Variants in ZNF644 observed in about 807,000 individuals in gnomAD.
ZNF644 encodes zinc finger motif enhancer binding protein 2.
A neutral mutation model predicts 108.0 loss-of-function variants in ZNF644; 20 were observed. The observed-to-expected ratio is 0.19, with a 90% CI of 0.13 to 0.27. The LOEUF (loss-of-function observed/expected upper bound fraction) is 0.27. Among genes scored for constraint, ZNF644 ranks in the 10% least tolerant of loss-of-function variants. The pLI, the probability that ZNF644 is intolerant of heterozygous loss-of-function variation, is 1.00. For synonymous variants in ZNF644, 542 were observed against 539.1 expected, an observed-to-expected ratio of 1.01 and a Z score of -0.08; for missense variants, 1,338 against 1,548.9, an observed-to-expected ratio of 0.86 and a Z score of 2.29.
intron 2 of ZNF644, among the ~76,000 whole-genome samples, chr1:90,970,068 C>T (rs1655305013): frequency 6.6e-6 from 1 of 152,182 alleles, no homozygotes; most frequent in Admixed American, 6.5e-5. Context: ...AGCAGAATAC[C>T]AGTTTAGACA....
chr1:90,969,514 T>C (rs1034730705), intron 2 of ZNF644, among the ~76,000 whole-genome samples: 5 of 152,186 alleles, frequency 3.3e-5, no homozygotes, highest in African/African-American at 1.2e-4. Flanking sequence ...AATTCAAACC[T>C]TTTAAATTGC....
Position 90,916,605 on chromosome 1 carries a change from T to A in ZNF644, c.*193A>T, listed in dbSNP as rs1648785619. The A allele has an allele frequency of 1.6e-6, 1 of 625,840 alleles. No individual in the cohort carries two copies. The highest frequency in any genetic ancestry group is 2.0e-5 in the South Asian group (1 of 50,146). The allele number at this position is 625,840 out of a possible 1,614,324, so 38.8% of individuals were successfully genotyped here. The stretch of plus-strand genomic sequence containing the variant: ...AAACTTCATAAACCTTAAAAACACA[T>A]CTTCCACCCTATATAAAATATATAG... On this transcript the variant is annotated 3_prime_UTR_variant, in exon 6 of 6. Transcript: ENST00000337393.
chr1:90,944,515 TATTA>T (rs1652326801), intron 2 of ZNF644, among the ~76,000 whole-genome samples: 1 of 150,822 alleles, frequency 6.6e-6, no homozygotes, highest in African/African-American at 2.5e-5. Context: ...ACCCCTAAAT[TATTA>T]ATTATCTCTA....
At chr1:91,015,736 A>G (rs911749708) in intron 1 of ZNF644, among the ~76,000 whole-genome samples, 13 of 152,212 alleles carry the variant, frequency 8.5e-5, no homozygotes, top group Admixed American at 2.6e-4. Flanking sequence ...CACTTCCTCT[A>G]TAACAACCTT....
At chr1:90,927,184 T>C (rs1298222128) in intron 4 of ZNF644, among the ~76,000 whole-genome samples, 1 of 152,066 alleles carries the variant, frequency 6.6e-6, no homozygotes, top group East Asian at 1.9e-4. Context: ...TCTTCCTCTT[T>C]CTCTGAAATT....
chr1:90,944,317 G>T (rs17131244), intron 2 of ZNF644, among the ~76,000 whole-genome samples: 1,929 of 152,076 alleles, frequency 0.013, 39 homozygotes, highest in African/African-American at 0.044. Flanking sequence ...TTTTCATAAG[G>T]TCACATTCTG....
chr1:90,968,119 T>C (rs1220225434), intron 2 of ZNF644, among the ~76,000 whole-genome samples: 1 of 149,582 alleles, frequency 6.7e-6, no homozygotes, highest in African/African-American at 2.5e-5. Context: ...ATGCAATCAA[T>C]TTAAAAGTGC....
intron 4 of ZNF644, among the ~76,000 whole-genome samples, chr1:90,922,746 A>G (rs1387088017): frequency 2.6e-5 from 4 of 151,462 alleles, no homozygotes; most frequent in African/African-American, 9.7e-5. Flanking sequence ...CCTACCCTCC[A>G]CCCTTAAGGT....
At chr1:91,017,627 C>G (rs1025806954) in intron 1 of ZNF644, among the ~76,000 whole-genome samples, 2 of 152,218 alleles carry the variant, frequency 1.3e-5, no homozygotes, top group Non-Finnish European at 2.9e-5. Flanking sequence ...AATATACTAA[C>G]TTTCCATAAT....
At chr1:91,019,808 G>A (rs1660737442) in intron 1 of ZNF644, among the ~76,000 whole-genome samples, 2 of 152,102 alleles carry the variant, frequency 1.3e-5, no homozygotes, top group African/African-American at 2.4e-5. Flanking sequence ...CTCGTGATCT[G>A]CTCGCCTCAG....
intron 4 of ZNF644, among the ~76,000 whole-genome samples, chr1:90,923,904 T>C (rs1022892435): frequency 2.6e-5 from 4 of 152,166 alleles, no homozygotes; most frequent in African/African-American, 9.7e-5. Flanking sequence ...AACAGCCTTA[T>C]AGTTCAGAGA....
rs1356969714 is a variant in ZNF644, at chr1:91,022,024, T to C, written c.-52A>G. 6 of 398,684 alleles carry C rather than the reference T, an allele frequency of 1.5e-5. No homozygotes were observed. Among genetic ancestry groups the C allele is most frequent in the Admixed American group, 1.3e-4 (3 of 22,716 alleles). The allele number at this position is 398,684 out of a possible 1,614,324, so 24.7% of individuals were successfully genotyped here. A position where few individuals can be genotyped will look rare whatever the true frequency, so the allele number is the denominator to read the frequency against. On this transcript the variant is annotated 5_prime_UTR_variant, in exon 1 of 6. Transcript: ENST00000337393. ...CCGTGTGCGTCAAACCGGGGCGACG[T>C]TGGGAGCACGCGGCGTCCCCGCGTC... is the stretch of plus-strand genomic sequence containing the variant.
At chr1:90,923,434 A>G (rs1649692247) in intron 4 of ZNF644, among the ~76,000 whole-genome samples, 1 of 152,162 alleles carries the variant, frequency 6.6e-6, no homozygotes, top group Admixed American at 6.6e-5. Context: ...ACTCCTATCA[A>G]CATCAGTTCT....
chr1:90,936,094 C>T (rs186268370), intron 4 of ZNF644, among the ~76,000 whole-genome samples: 24 of 152,222 alleles, frequency 1.6e-4, no homozygotes, highest in Non-Finnish European at 2.2e-4. Flanking sequence ...ACTCTGAATG[C>T]GCAATCAATA....
At chr1:90,994,526 A>G (rs1657941175) in intron 1 of ZNF644, among the ~76,000 whole-genome samples, 1 of 152,230 alleles carries the variant, frequency 6.6e-6, no homozygotes, top group South Asian at 2.1e-4. Context: ...TGACTGATAA[A>G]CCAGTAGGCA....
At chr1:90,936,001 GA>G (rs1331537340) in intron 4 of ZNF644, among the ~76,000 whole-genome samples, 7 of 152,144 alleles carry the variant, frequency 4.6e-5, no homozygotes, top group Admixed American at 6.5e-5. Context: ...GCTTTCTGAT[GA>G]AGGCTGGGAG....
intron 2 of ZNF644, among the ~76,000 whole-genome samples, chr1:90,952,136 C>T (rs1436310449): frequency 6.6e-6 from 1 of 152,114 alleles, no homozygotes. Flanking sequence ...GATACAAATA[C>T]ATTTATTTGA....
intron 1 of ZNF644, among the ~76,000 whole-genome samples, chr1:90,995,068 G>A (rs1447339361): frequency 6.6e-6 from 1 of 151,908 alleles, no homozygotes; most frequent in Non-Finnish European, 1.5e-5. Flanking sequence ...CAAAGAAAGA[G>A]GAAAATGTGA....
At chr1:90,922,736 C>T (rs956986372) in intron 4 of ZNF644, among the ~76,000 whole-genome samples, 1 of 152,060 alleles carries the variant, frequency 6.6e-6, no homozygotes, top group Admixed American at 6.6e-5. Flanking sequence ...TCTCCCTCCT[C>T]CTACCCTCCA....
Sources: allele counts gnomAD v4.1 joint callset (sites outside exome capture counted in the v4.1 genomes callset), GRCh38; gene constraint gnomAD v4.1.1; transcripts MANE v1.5; gene names NCBI Gene and HGNC (gene_info 2026-07-23, HGNC 2026-07-21).